TRHDE: variants seen among roughly 807,000 people sequenced by gnomAD.
The protein encoded by TRHDE is thyrotropin releasing hormone degrading enzyme.
Under a neutral mutation model 125.7 loss-of-function variants are expected in TRHDE, and 72 were observed. The ratio of observed to expected loss-of-function variants is 0.57; its 90% confidence interval spans 0.47 to 0.70. The LOEUF is 0.70. Ranked by LOEUF, TRHDE falls within the 30% of genes least tolerant of loss-of-function variation. The pLI is 0.00. For synonymous variants in TRHDE, 509 were observed against 509.1 expected (o/e 1.00, Z 0.00); for missense variants, 1,110 against 1,327.1 (o/e 0.84, Z 2.54).
chr12:72,290,722 G>A (rs958557447), intron 2 of TRHDE, among the ~76,000 whole-genome samples: 12 of 152,202 alleles, frequency 7.9e-5, no homozygotes, highest in African/African-American at 1.2e-4. Flanking sequence ...ATATATCCAC[G>A]TGTGGCTTCT....
At position 72,272,663 on chromosome 12, in the gene TRHDE, T is replaced by TG; in HGVS notation, c.25dup (p.Glu9GlyfsTer260). On this transcript the variant is annotated frameshift_variant, in exon 1 of 19. Coordinates refer to ENST00000261180, the MANE Select transcript of TRHDE (RefSeq NM_013381.3). LOFTEE classifies it high-confidence loss of function. The surrounding 1 kb of genome is among the most constrained non-coding windows in gnomAD (Gnocchi z 6.7). ...GGTGTGATGGCCCTGGACGGCGAGC[T>TG]GGGGGAGCAAGAGGAGGAGAAGAAA... The TG allele has an allele frequency of 8.2e-7, 1 of 1,223,146 alleles. No homozygotes were observed. The highest frequency in any genetic ancestry group is 1.1e-6 in the Non-Finnish European group (1 of 918,082). The allele number at this position is 1,223,146 out of a possible 1,614,324, so 75.8% of individuals were successfully genotyped here.
intron 12 of TRHDE, among the ~76,000 whole-genome samples, chr12:72,601,401 A>T (rs1312975129): frequency 4.6e-5 from 7 of 152,132 alleles, no homozygotes; most frequent in African/African-American, 1.4e-4. Flanking sequence ...AGATACTGTG[A>T]GCTTTGTTAA....
chr12:72,491,751 A>G (rs1276590972), intron 5 of TRHDE, among the ~76,000 whole-genome samples: 4 of 151,986 alleles, frequency 2.6e-5, no homozygotes, highest in Non-Finnish European at 4.4e-5. Context: ...CTTATAAAAT[A>G]TAATCGCTTT....
intron 2 of TRHDE, among the ~76,000 whole-genome samples, chr12:72,199,100 TG>T (rs1877503103): frequency 6.6e-6 from 1 of 152,122 alleles, no homozygotes; most frequent in South Asian, 2.1e-4. Context: ...TCTCCCAACA[TG>T]GGGAATTACA....
intron 3 of TRHDE, among the ~76,000 whole-genome samples, chr12:72,463,289 C>T (rs1033802570): frequency 7.9e-5 from 12 of 152,158 alleles, no homozygotes; most frequent in Non-Finnish European, 8.8e-5. Flanking sequence ...TCCCTTTTCC[C>T]TCAGGATTAA....
At chr12:72,519,329 C>T (rs181601180) in intron 6 of TRHDE, among the ~76,000 whole-genome samples, 92 of 152,178 alleles carry the variant, frequency 6.0e-4, no homozygotes, top group African/African-American at 1.7e-3. Context: ...TATTTCTTGG[C>T]GGCTTTACTC....
At chr12:72,554,162 T>G (rs1372638678) in intron 7 of TRHDE, among the ~76,000 whole-genome samples, 1 of 152,132 alleles carries the variant, frequency 6.6e-6, no homozygotes, top group Non-Finnish European at 1.5e-5. Context: ...CCATATAATT[T>G]TCTTATAGTG....
intron 3 of TRHDE, among the ~76,000 whole-genome samples, chr12:72,418,012 A>C (rs1873802078): frequency 6.6e-6 from 1 of 152,048 alleles, no homozygotes; most frequent in Non-Finnish European, 1.5e-5. Flanking sequence ...ATTTTAAAAA[A>C]TATTTTAGGC....
At chr12:72,430,541 T>C (rs1874432011) in intron 3 of TRHDE, among the ~76,000 whole-genome samples, 1 of 151,190 alleles carries the variant, frequency 6.6e-6, no homozygotes, top group Non-Finnish European at 1.5e-5. Flanking sequence ...CCACATTGGA[T>C]TGTCACTGCA....
At chr12:72,511,397 A>T (rs1381929004) in intron 6 of TRHDE, among the ~76,000 whole-genome samples, 3 of 152,164 alleles carry the variant, frequency 2.0e-5, no homozygotes, top group Non-Finnish European at 4.4e-5. Context: ...TTTAAAAATA[A>T]TTCCCATCTG....
At chr12:72,266,057 C>A (rs751105208) in intron 2 of TRHDE, among the ~76,000 whole-genome samples, 2 of 151,822 alleles carry the variant, frequency 1.3e-5, no homozygotes, top group African/African-American at 4.8e-5. Flanking sequence ...TATTGATAAA[C>A]ATTTATGTAT....
intron 12 of TRHDE, among the ~76,000 whole-genome samples, chr12:72,575,953 A>G (rs1870974515): frequency 6.6e-6 from 1 of 152,162 alleles, no homozygotes; most frequent in Admixed American, 6.5e-5. Flanking sequence ...TAAGAAGCTT[A>G]TGCTGCAAAA....
At chr12:72,658,246 C>A (rs1055806139) in intron 18 of TRHDE, among the ~76,000 whole-genome samples, 2 of 152,090 alleles carry the variant, frequency 1.3e-5, no homozygotes, top group Non-Finnish European at 2.9e-5. Flanking sequence ...CCATAAAAAA[C>A]AGAAAGAAAG....
intron 2 of TRHDE, among the ~76,000 whole-genome samples, chr12:72,237,405 C>T (rs1375605332): frequency 6.6e-6 from 1 of 152,186 alleles, no homozygotes; most frequent in East Asian, 1.9e-4. Context: ...TAGAAAAAAT[C>T]ATAACCATTT....
chr12:72,609,893 T>G (rs1485144870), intron 12 of TRHDE, among the ~76,000 whole-genome samples: 1 of 152,182 alleles, frequency 6.6e-6, no homozygotes, highest in African/African-American at 2.4e-5. Flanking sequence ...TTGGAATTTT[T>G]TATTCTTTGT....
intron 2 of TRHDE, among the ~76,000 whole-genome samples, chr12:72,114,949 C>T (rs1191221314): frequency 1.3e-5 from 2 of 151,874 alleles, no homozygotes; most frequent in African/African-American, 4.8e-5. Context: ...AAAAAAATTT[C>T]TTATTTTAAA....
chr12:72,516,406 A>G (rs1878862023), intron 6 of TRHDE, among the ~76,000 whole-genome samples: 1 of 152,138 alleles, frequency 6.6e-6, no homozygotes, highest in Admixed American at 6.5e-5. Context: ...CTTTGAAGCA[A>G]TTGTGAATGG....
intron 17 of TRHDE, among the ~76,000 whole-genome samples, chr12:72,654,175 C>T (rs1267676748): frequency 6.6e-6 from 1 of 152,128 alleles, no homozygotes; most frequent in African/African-American, 2.4e-5. Flanking sequence ...TATCAAACAT[C>T]TACCAATACA....
rs1878116908 is a variant in TRHDE, at chr12:72,225,777, T to C, written n.279+120025T>C. Reference sequence around the variant, plus strand: ...TCCTGAAGTTTGAAGTTTCATGATGTGCCATTAAAACGGGGCCAGGAAAAG... The same window carrying C: ...TCCTGAAGTTTGAAGTTTCATGATGCGCCATTAAAACGGGGCCAGGAAAAG... On this transcript the variant is annotated intron_variant and non_coding_transcript_variant, in intron 2 of 4. Transcript: ENST00000548156. 1.3e-5 allele frequency among the ~76,000 whole-genome samples: 2 copies of C among 152,180 alleles called. 1 individual carries two copies. Among genetic ancestry groups the C allele is most frequent in the South Asian group, 4.1e-4 (2 of 4,834 alleles).
Sources: allele counts gnomAD v4.1 joint callset (sites outside exome capture counted in the v4.1 genomes callset), GRCh38; gene constraint gnomAD v4.1.1; non-coding constraint Gnocchi (gnomAD v3.1); transcripts MANE v1.5; gene names NCBI Gene and HGNC (gene_info 2026-07-23, HGNC 2026-07-21).